NFATC1: variants seen among roughly 807,000 people sequenced by gnomAD.
NFATC1 encodes the protein nuclear factor of activated T-cells, cytoplasmic 1.
A neutral mutation model predicts 76.0 loss-of-function variants in NFATC1; 22 were observed. That is an observed-to-expected ratio of 0.29 (90% CI 0.21 to 0.41). The LOEUF (loss-of-function observed/expected upper bound fraction) is 0.41, where lower values mean the gene tolerates loss of function less well. NFATC1 is among the 10% of genes least tolerant of loss of function. The pLI is 1.00. For synonymous variants in NFATC1, 704 were observed against 613.1 expected, an observed-to-expected ratio of 1.15 and a Z score of -2.19; for missense variants, 1,357 against 1,337.7, an observed-to-expected ratio of 1.01 and a Z score of -0.23.
intron 3 of NFATC1, 99 bp from the exon 4 acceptor site, chr18:79,448,683 C>A: frequency 8.7e-7 from 1 of 1,150,548 alleles, no homozygotes. Flanking sequence ...GGCAGGGGGA[C>A]ACAGGCCTCG....
chr18:79,476,332 G>T (rs555626945), intron 8 of NFATC1, among the ~76,000 whole-genome samples: 29 of 152,394 alleles, frequency 1.9e-4, no homozygotes, highest in Admixed American at 1.9e-3. Flanking sequence ...AGCTGCCTGG[G>T]AGCGTGAGTC....
chr18:79,472,382 G>A (rs1318756641), intron 8 of NFATC1, among the ~76,000 whole-genome samples: 2 of 152,184 alleles, frequency 1.3e-5, no homozygotes, highest in Non-Finnish European at 2.9e-5. Context: ...CAGACAAGCA[G>A]TTCTGGGCCG....
chr18:79,463,441 C>CATGTT (rs2088234261), intron 7 of NFATC1, among the ~76,000 whole-genome samples: 1 of 151,210 alleles, frequency 6.6e-6, no homozygotes, highest in Non-Finnish European at 1.5e-5. Flanking sequence ...CTCCCCGCAG[C>CATGTT]CTGTTCCCGT....
intron 2 of NFATC1, chr18:79,422,340 A>G (rs2086122921): frequency 1.3e-5 from 2 of 152,272 alleles, no homozygotes; most frequent in Non-Finnish European, 2.9e-5. Context: ...TCCTGTGAGT[A>G]ATAATGACAG....
At chr18:79,506,352 C>A (rs1046539664) in intron 9 of NFATC1, among the ~76,000 whole-genome samples, 2 of 152,144 alleles carry the variant, frequency 1.3e-5, no homozygotes. Flanking sequence ...TGGGACTGTG[C>A]GCCTTGTCCC....
At chr18:79,403,095 C>T (rs2085321573) in intron 1 of NFATC1, among the ~76,000 whole-genome samples, 1 of 152,188 alleles carries the variant, frequency 6.6e-6, no homozygotes, top group Non-Finnish European at 1.5e-5. Context: ...GAGCTGAGGT[C>T]AGTGTACCGG....
At chr18:79,479,356 G>A (rs562170411) in intron 8 of NFATC1, among the ~76,000 whole-genome samples, 7 of 150,644 alleles carry the variant, frequency 4.6e-5, no homozygotes, top group African/African-American at 1.2e-4. Flanking sequence ...GGGCGACAGC[G>A]TGAACTGGGC....
At chr18:79,485,854 C>T (rs1019405617) in intron 8 of NFATC1, among the ~76,000 whole-genome samples, 2 of 152,258 alleles carry the variant, frequency 1.3e-5, no homozygotes, top group Non-Finnish European at 1.5e-5. Context: ...GTTCTGTGTT[C>T]GAGTTTACCA....
At chr18:79,515,338 C>CAAAAA (rs75194540) in intron 9 of NFATC1, among the ~76,000 whole-genome samples, 1 of 63,490 alleles carries the variant, frequency 1.6e-5, no homozygotes, top group African/African-American at 5.0e-5. Context: ...GACTCCATCT[C>CAAAAA]AAAAAAAAAA....
At chr18:79,436,706 C>T (rs541052242) in intron 3 of NFATC1, among the ~76,000 whole-genome samples, 1 of 152,146 alleles carries the variant, frequency 6.6e-6, no homozygotes, top group Non-Finnish European at 1.5e-5. Flanking sequence ...GGTGCTCGCT[C>T]TTACTTGTGG....
rs988362059 is a variant in NFATC1, at chr18:79,487,146, G to A, written c.2782+209G>A. ...GGGCGCTCGCCGTGAGATCTGCTCC[G>A]GTGGTCGCAGTGTGGGGCCCTTGGC... On this transcript the variant is annotated intron_variant, in intron 9 of 9. Coordinates refer to ENST00000427363, the MANE Select transcript of NFATC1 (RefSeq NM_001278669.2). Among the ~76,000 whole-genome samples, 9 of 152,368 alleles carry A rather than the reference G, an allele frequency of 5.9e-5. No homozygotes were observed. The South Asian group carries it at 8.3e-4, about 14-fold the overall frequency.
chr18:79,447,106 G>A (rs116151691), intron 3 of NFATC1, among the ~76,000 whole-genome samples: 1,992 of 152,254 alleles, frequency 0.013, 50 homozygotes, highest in African/African-American at 0.046. Context: ...CCTCCCTGGC[G>A]GGGCTCTGAG....
intron 2 of NFATC1, among the ~76,000 whole-genome samples, chr18:79,428,259 T>G (rs1187725981): frequency 6.6e-6 from 1 of 152,146 alleles, no homozygotes; most frequent in Non-Finnish European, 1.5e-5. Context: ...CCGCTGCTGG[T>G]TTAGAAGTGT....
At chr18:79,461,598 C>T (rs577989889) in intron 7 of NFATC1, among the ~76,000 whole-genome samples, 3 of 152,354 alleles carry the variant, frequency 2.0e-5, no homozygotes, top group African/African-American at 7.2e-5. Context: ...ACGTCAGAGC[C>T]CTGGCGGCCG....
At chr18:79,491,876 C>T (rs571632353) in intron 9 of NFATC1, among the ~76,000 whole-genome samples, 7 of 152,236 alleles carry the variant, frequency 4.6e-5, no homozygotes, top group East Asian at 3.9e-4. Context: ...GGCTTCCCTC[C>T]GCCTGACCAG....
chr18:79,455,582 C>A (rs1257743917), intron 6 of NFATC1, among the ~76,000 whole-genome samples: 1 of 152,180 alleles, frequency 6.6e-6, no homozygotes, highest in African/African-American at 2.4e-5. Flanking sequence ...CAGGGAGACA[C>A]ACAGAAATGT....
intron 2 of NFATC1, among the ~76,000 whole-genome samples, chr18:79,415,790 AGTGGCTCAC>A (rs545517951): frequency 3.8e-4 from 57 of 151,726 alleles, no homozygotes; most frequent in African/African-American, 1.2e-3. Flanking sequence ...GGCCAGGCGC[AGTGGCTCAC>A]GCCTGTAATC....
chr18:79,400,431 C>A (rs1418065895), intron 1 of NFATC1: 1 of 1,496,052 alleles, frequency 6.7e-7, no homozygotes, highest in Non-Finnish European at 8.9e-7. Flanking sequence ...CTTCGAGTTC[C>A]TCTTCGAGTT....
intron 6 of NFATC1, among the ~76,000 whole-genome samples, chr18:79,458,223 A>G (rs1032430159): frequency 1.3e-5 from 2 of 151,486 alleles, no homozygotes; most frequent in Non-Finnish European, 2.9e-5. Context: ...CTCCTGGGGG[A>G]GAGCCGGGGA....
Sources: allele counts gnomAD v4.1 joint callset (sites outside exome capture counted in the v4.1 genomes callset), GRCh38; gene constraint gnomAD v4.1.1; transcripts MANE v1.5; gene names NCBI Gene and HGNC (gene_info 2026-07-23, HGNC 2026-07-21).